PLEKHF2: variants seen among roughly 807,000 people sequenced by gnomAD.
PLEKHF2 encodes the protein pleckstrin homology and FYVE domain containing 2.
A neutral mutation model predicts 14.7 loss-of-function variants in PLEKHF2; 4 were observed. The observed-to-expected ratio is 0.27, with a 90% confidence interval of 0.13 to 0.62. PLEKHF2 has a LOEUF of 0.62. Ranked by LOEUF, PLEKHF2 falls within the 20% of genes least tolerant of loss-of-function variation. PLEKHF2 has a pLI of 0.85. For missense variants in PLEKHF2, 201 were observed against 307.7 expected, an observed-to-expected ratio of 0.65 and a Z score of 2.60; for synonymous variants, 90 against 103.5, an observed-to-expected ratio of 0.87 and a Z score of 0.79.
At chr8:95,145,642 T>C (rs1266738132) in intron 1 of PLEKHF2, among the ~76,000 whole-genome samples, 2 of 152,086 alleles carry the variant, frequency 1.3e-5, no homozygotes, top group Non-Finnish European at 2.9e-5. Context: ...GCCAGGATGG[T>C]CTCGATCTCC....
chr8:95,135,342 A>T (rs1167942576), intron 1 of PLEKHF2, among the ~76,000 whole-genome samples: 1 of 152,204 alleles, frequency 6.6e-6, no homozygotes, highest in African/African-American at 2.4e-5. Context: ...TTTAGATCTA[A>T]AAATACAGCT....
chr8:95,137,176 T>C (rs768663893), intron 1 of PLEKHF2, among the ~76,000 whole-genome samples: 27 of 152,344 alleles, frequency 1.8e-4, no homozygotes, highest in African/African-American at 6.0e-4. Context: ...CTGGACTCAT[T>C]TGTGAAATGG....
Position 95,155,072 on chromosome 8 carries a change from A to T in PLEKHF2, c.*278A>T. 2 of 400,644 alleles carry T rather than the reference A, an allele frequency of 5.0e-6. No homozygotes were observed. Among genetic ancestry groups the T allele is most frequent in the Non-Finnish European group, 9.3e-6 (2 of 214,024 alleles). 24.8% of individuals were successfully genotyped at this position (400,644 alleles called of 1,614,324 possible). A position where few individuals can be genotyped will look rare whatever the true frequency, so the allele number is the denominator to read the frequency against. ...TATTTTCTTGGAAGGTTGGGAAAAG[A>T]TGTTTGTTTTAACAGGTCATGTACT... On this transcript the variant is annotated 3_prime_UTR_variant, in exon 2 of 2. Transcript: ENST00000315367.
intron 1 of PLEKHF2, among the ~76,000 whole-genome samples, chr8:95,137,515 G>A (rs1396822801): frequency 6.6e-6 from 1 of 152,152 alleles, no homozygotes; most frequent in Non-Finnish European, 1.5e-5. Context: ...AAACATCCCC[G>A]ATTTTAGTGT....
At chr8:95,151,852 C>T (rs1295530779) in intron 1 of PLEKHF2, among the ~76,000 whole-genome samples, 1 of 151,726 alleles carries the variant, frequency 6.6e-6, no homozygotes, top group Non-Finnish European at 1.5e-5. Context: ...GATAAATTAC[C>T]ATTGTTGATA....
chr8:95,142,767 T>C (rs1353593158), intron 1 of PLEKHF2, among the ~76,000 whole-genome samples: 1 of 152,200 alleles, frequency 6.6e-6, no homozygotes, highest in Non-Finnish European at 1.5e-5. Context: ...GATTGAAATT[T>C]TTTAAAAAAC....
intron 1 of PLEKHF2, among the ~76,000 whole-genome samples, chr8:95,146,257 T>G (rs918237081): frequency 4.6e-5 from 7 of 152,146 alleles, no homozygotes; most frequent in African/African-American, 1.7e-4. Flanking sequence ...ACTTATTTAG[T>G]GTCTGAACCA....
At chr8:95,134,230 C>A (rs1291611149) in intron 1 of PLEKHF2, 200 bp downstream of exon 1, 1 of 148,406 alleles carries the variant, frequency 6.7e-6, no homozygotes, top group Non-Finnish European at 1.5e-5. Flanking sequence ...CGCGCCGGGG[C>A]CGGCCCGCGG....
chr8:95,138,111 C>T (rs897853615), intron 1 of PLEKHF2, among the ~76,000 whole-genome samples: 3 of 152,100 alleles, frequency 2.0e-5, no homozygotes, highest in African/African-American at 7.2e-5. Context: ...CTACACTCTC[C>T]CCCAAAGTCA....
intron 1 of PLEKHF2, among the ~76,000 whole-genome samples, chr8:95,138,306 T>C (rs1342232767): frequency 6.6e-6 from 1 of 151,674 alleles, no homozygotes; most frequent in Non-Finnish European, 1.5e-5. Context: ...ATTAAGATTT[T>C]ATGATGTGAA....
chr8:95,134,775 C>T (rs2132102744), intron 1 of PLEKHF2, among the ~76,000 whole-genome samples: 1 of 152,240 alleles, frequency 6.6e-6, no homozygotes, highest in Admixed American at 6.5e-5. Flanking sequence ...GACACCTAAG[C>T]CCTCCTCGGT....
chr8:95,148,159 A>T (rs1024646127), intron 1 of PLEKHF2, among the ~76,000 whole-genome samples: 9 of 151,918 alleles, frequency 5.9e-5, no homozygotes, highest in Non-Finnish European at 1.3e-4. Context: ...AGATGGAATT[A>T]AAAAATTTGT....
At chr8:95,141,561 T>C (rs894740524) in intron 1 of PLEKHF2, among the ~76,000 whole-genome samples, 2 of 152,186 alleles carry the variant, frequency 1.3e-5, no homozygotes, top group Admixed American at 6.6e-5. Flanking sequence ...AGTCTTGCTC[T>C]GTGGTTCAGG....
intron 1 of PLEKHF2, among the ~76,000 whole-genome samples, chr8:95,143,989 C>CT (rs1164621279): frequency 6.6e-6 from 1 of 151,950 alleles, no homozygotes; most frequent in East Asian, 1.9e-4. Context: ...AATTTGTAAA[C>CT]TTTTTTTAAA....
chr8:95,148,867 T>A (rs10956939), intron 1 of PLEKHF2, among the ~76,000 whole-genome samples: 1 of 152,032 alleles, frequency 6.6e-6, no homozygotes, highest in African/African-American at 2.4e-5. Context: ...AAAGCATAGA[T>A]AATAAATAGG....
intron 1 of PLEKHF2, among the ~76,000 whole-genome samples, chr8:95,139,901 G>T (rs556324896): frequency 2.0e-5 from 3 of 151,848 alleles, no homozygotes; most frequent in Non-Finnish European, 2.9e-5. Flanking sequence ...TATGAGAGCA[G>T]GTTGAAAAGG....
chr8:95,154,533 A>G lies in PLEKHF2; in HGVS notation c.489A>G (p.Lys163=). ...CAACTGTATGTATGCGTTGTCAGAAAGCAAAATTCACACCTGTTAATCGTC... is the reference window on the plus strand; with the variant it reads ...CAACTGTATGTATGCGTTGTCAGAAGGCAAAATTCACACCTGTTAATCGTC... ...SEATVCMRCQ[K]AKFTPVNRRH... Residue 163 remains lysine (K), a synonymous_variant, in exon 2 of 2, where the codon AAA becomes AAG. Coordinates refer to ENST00000315367, the MANE Select transcript of PLEKHF2 (RefSeq NM_024613.4). The surrounding 1 kb of genome is among the most constrained non-coding windows in gnomAD (Gnocchi z 5.6). 1 of 1,614,198 alleles carries G rather than the reference A, an allele frequency of 6.2e-7. No homozygotes were observed. Among genetic ancestry groups the G allele is most frequent in the Non-Finnish European group, 8.5e-7 (1 of 1,180,004 alleles).
intron 1 of PLEKHF2, among the ~76,000 whole-genome samples, chr8:95,137,880 A>G (rs1810393019): frequency 6.6e-6 from 1 of 152,186 alleles, no homozygotes; most frequent in African/African-American, 2.4e-5. Flanking sequence ...TGGCGATGCA[A>G]GGGTCTGTTT....
chr8:95,155,464 A>C lies in PLEKHF2; in HGVS notation c.*670A>C, dbSNP rs1587311789. On this transcript the variant is annotated 3_prime_UTR_variant, in exon 2 of 2. Transcript: ENST00000315367. ...AAGTTTGGAGGTATTTTCACTCTAT[A>C]TGAATAAATATTTTTCCATAAAATA... The C allele has an allele frequency of 6.0e-6, 1 of 167,054 alleles. No homozygotes were observed. The highest frequency in any genetic ancestry group is 1.5e-5 in the Non-Finnish European group (1 of 68,104). The allele number at this position is 167,054 out of a possible 1,614,324, so 10.3% of individuals were successfully genotyped here. A position where few individuals can be genotyped will look rare whatever the true frequency, so the allele number is the denominator to read the frequency against.
Sources: gnomAD v4.1 joint callset for allele counts (sites outside exome capture counted in the v4.1 genomes callset) on GRCh38, gnomAD v4.1.1 for gene constraint, Gnocchi (gnomAD v3.1) non-coding constraint, MANE v1.5 for transcripts, NCBI Gene and HGNC (gene_info 2026-07-23, HGNC 2026-07-21) for gene names.